Variants in SEC62 observed in about 807,000 individuals in gnomAD.
The protein encoded by SEC62 is SEC62 preprotein translocation factor.
SEC62 carries 10 observed loss-of-function variants against 47.5 expected under a neutral mutation model. The ratio of observed to expected loss-of-function variants is 0.21; its 90% confidence interval spans 0.13 to 0.36. SEC62 has a LOEUF of 0.36. Among genes scored for constraint, SEC62 ranks in the 10% least tolerant of loss-of-function variants. The probability of loss-of-function intolerance (pLI) is 1.00; values close to 1 mark genes in which losing one functional copy is unlikely to be tolerated. For synonymous variants in SEC62, 136 were observed against 150.5 expected (o/e 0.90, Z 0.71); for missense variants, 327 against 464.1 (o/e 0.70, Z 2.71).
intron 2 of SEC62, among the ~76,000 whole-genome samples, chr3:169,976,325 A>C (rs889604257): frequency 1.3e-5 from 2 of 152,070 alleles, no homozygotes; most frequent in African/African-American, 4.8e-5. Flanking sequence ...CTATGATCCC[A>C]CCACTGTACT....
Position 169,988,169 on chromosome 3 carries a change from G to A in SEC62, c.611-71G>A, listed in dbSNP as rs1715152902. 3.2e-6 allele frequency: 5 copies of A among 1,546,912 alleles called. No homozygotes were observed. The South Asian group carries it at 3.4e-5, about 10-fold the overall frequency. ...TTCTCAGTTTTTCCCCCAGGGATAT[G>A]TTTCTGTTAGTGCAGCCATACCATT... On this transcript the variant is annotated intron_variant, in intron 6 of 7. Coordinates refer to ENST00000337002, the MANE Select transcript of SEC62 (RefSeq NM_003262.4).
At chr3:169,982,635 A>G in intron 3 of SEC62, 72 bp from the exon 4 acceptor site, 1 of 1,541,382 alleles carries the variant, frequency 6.5e-7, no homozygotes. Context: ...TATTTTATTC[A>G]GGTCTTGATA....
Position 169,992,867 on chromosome 3 carries a change from C to A in SEC62, c.1004C>A (p.Ser335Ter). 6.2e-7 allele frequency: 1 copy of A among 1,613,684 alleles called. No individual in the cohort carries two copies. Among genetic ancestry groups the A allele is most frequent in the Non-Finnish European group, 8.5e-7 (1 of 1,179,966 alleles). Reference protein sequence around the residue: ...VGPGNHGTEGSGGERHSDTDS... With the variant: ...VGPGNHGTEG Reference sequence around the variant, plus strand: ...CCAGGAAATCATGGAACAGAAGGCTCGGGGGGAGAACGGCATTCAGACACG... The same window carrying A: ...CCAGGAAATCATGGAACAGAAGGCTAGGGGGGAGAACGGCATTCAGACACG... The change falls in exon 8 of 8, where the codon TCG (serine) becomes TAG (stop). Residue 335 changes from serine (S) to a stop codon, truncating the protein, a stop_gained. Transcript: ENST00000337002. LOFTEE classifies it high-confidence loss of function. The surrounding 1 kb of genome is among the most constrained non-coding windows in gnomAD (Gnocchi z 4.0).
rs1715435966 is a variant in SEC62 at position 169,998,336 on chromosome 3, T to C, written c.*5273T>C. 6.6e-6 allele frequency: 1 copy of C among 152,198 alleles called. No homozygotes were observed. The highest frequency in any genetic ancestry group is 1.5e-5 in the Non-Finnish European group (1 of 68,034). 9.4% of individuals were successfully genotyped at this position (152,198 alleles called of 1,614,324 possible). ...TGATGTTTTGTTTTGATAGATTATA[T>C]CTTACTCCTAAATAAAAAGTCAAGA... On this transcript the variant is annotated 3_prime_UTR_variant, in exon 8 of 8. Transcript: ENST00000337002.
intron 1 of SEC62, among the ~76,000 whole-genome samples, chr3:169,970,803 T>G (rs1236539493): frequency 6.6e-6 from 1 of 152,210 alleles, no homozygotes; most frequent in Non-Finnish European, 1.5e-5. Flanking sequence ...ATAGGTTGGT[T>G]TCTCTTTATT....
Position 169,993,180 on chromosome 3 carries a change from G to A in SEC62, c.*117G>A, listed in dbSNP as rs1715288851. The A allele has an allele frequency of 6.6e-6, 5 of 754,878 alleles. No homozygotes were observed. The highest frequency in any genetic ancestry group is 3.5e-5 in the African/African-American group (2 of 56,420). The allele number at this position is 754,878 out of a possible 1,614,324, so 46.8% of individuals were successfully genotyped here. ...ATTCTTTAAATCTATCTACTGAAAT[G>A]TATTTGACATTCAAGCAGTTATATT... On this transcript the variant is annotated 3_prime_UTR_variant, in exon 8 of 8. Transcript: ENST00000337002.
chr3:169,980,335 G>A (rs1213171205), intron 3 of SEC62, among the ~76,000 whole-genome samples: 1 of 149,994 alleles, frequency 6.7e-6, no homozygotes, highest in Admixed American at 6.7e-5. Context: ...AGGAAAGTAT[G>A]AGTAGTTGTG....
chr3:169,990,119 G>T (rs1715210522), intron 7 of SEC62, among the ~76,000 whole-genome samples: 1 of 149,162 alleles, frequency 6.7e-6, no homozygotes, highest in African/African-American at 2.5e-5. Context: ...TTCATTTTTT[G>T]GAGACAGGGT....
chr3:169,982,368 C>T (rs1714994461), intron 3 of SEC62, among the ~76,000 whole-genome samples: 1 of 152,100 alleles, frequency 6.6e-6, no homozygotes, highest in South Asian at 2.1e-4. Context: ...GCATTTGAGA[C>T]TTAACATAAA....
intron 3 of SEC62, among the ~76,000 whole-genome samples, chr3:169,978,162 C>G (rs1330159227): frequency 7.2e-5 from 11 of 152,046 alleles, no homozygotes; most frequent in African/African-American, 2.7e-4. Context: ...ACCTATAGTC[C>G]CAGCTACTCG....
At chr3:169,976,877 TA>T in intron 2 of SEC62, 68 bp from the exon 3 acceptor site, 1 of 1,057,902 alleles carries the variant, frequency 9.5e-7, no homozygotes, top group Non-Finnish European at 1.3e-6. Flanking sequence ...TTTTACTTTA[TA>T]AAATATTATT....
At chr3:169,982,974 C>A in intron 4 of SEC62, 63 bp downstream of exon 4, 1 of 1,536,062 alleles carries the variant, frequency 6.5e-7, no homozygotes, top group Non-Finnish European at 8.7e-7. Context: ...ACACTACTGG[C>A]CTATGAGCAC....
intron 1 of SEC62, among the ~76,000 whole-genome samples, chr3:169,973,176 T>A (rs534600191): frequency 1.3e-5 from 2 of 152,244 alleles, no homozygotes; most frequent in Non-Finnish European, 2.9e-5. Context: ...AATTAAATAC[T>A]ATCATTTAAT....
At chr3:169,990,613 T>G (rs1202989754) in intron 7 of SEC62, among the ~76,000 whole-genome samples, 1 of 152,200 alleles carries the variant, frequency 6.6e-6, no homozygotes, top group African/African-American at 2.4e-5. Context: ...ATCATCTGTC[T>G]TACAATCCTG....
chr3:169,977,137 TG>T, intron 3 of SEC62, 86 bp downstream of exon 3: 3 of 805,772 alleles, frequency 3.7e-6, no homozygotes, highest in Non-Finnish European at 3.9e-6. Context: ...TTAAATGTAG[TG>T]ATACTACAAC....
rs1468288525 is a variant in SEC62 at position 169,994,089 on chromosome 3, G to A, written c.*1026G>A. 6.6e-6 allele frequency: 1 copy of A among 152,508 alleles called. No homozygotes were observed. The highest frequency in any genetic ancestry group is 1.5e-5 in the Non-Finnish European group (1 of 68,014). The allele number at this position is 152,508 out of a possible 1,614,324, so 9.4% of individuals were successfully genotyped here. A position where few individuals can be genotyped will look rare whatever the true frequency, so the allele number is the denominator to read the frequency against. On this transcript the variant is annotated 3_prime_UTR_variant, in exon 8 of 8. Transcript: ENST00000337002. Reference sequence around the variant, plus strand: ...TCTTTACATTCAGAAATGAGATACTGTATTATCAGACCAGGAGGCATTGCT... The same window carrying A: ...TCTTTACATTCAGAAATGAGATACTATATTATCAGACCAGGAGGCATTGCT...
intron 3 of SEC62, among the ~76,000 whole-genome samples, chr3:169,980,909 T>C (rs886638877): frequency 2.0e-5 from 3 of 152,188 alleles, no homozygotes; most frequent in Non-Finnish European, 2.9e-5. Flanking sequence ...TTATTTTCAT[T>C]TGGAGTGGAA....
In SEC62 at chr3:169,985,837, T is replaced by C; in HGVS notation, c.582T>C (p.Phe194=). Residue 194 remains phenylalanine (F), a synonymous_variant, in exon 6 of 8, where the codon TTT becomes TTC. Coordinates refer to ENST00000337002, the MANE Select transcript of SEC62 (RefSeq NM_003262.4). Reference sequence around the variant, plus strand: ...TATGGATCTATGACCCAGTTCACTTTAAAACATTTGTCATGGGATTAATTC... The same window carrying C: ...TATGGATCTATGACCCAGTTCACTTCAAAACATTTGTCATGGGATTAATTC... ...VYVWIYDPVH[F]KTFVMGLILV... 1.2e-6 allele frequency: 2 copies of C among 1,612,586 alleles called. No individual in the cohort carries two copies. Among genetic ancestry groups the C allele is most frequent in the Non-Finnish European group, 1.7e-6 (2 of 1,179,230 alleles).
At chr3:169,973,890 A>G (rs1714766445) in intron 1 of SEC62, among the ~76,000 whole-genome samples, 1 of 152,158 alleles carries the variant, frequency 6.6e-6, no homozygotes. Context: ...GGACTTGCGA[A>G]ATACAAAGGA....
Sources: gnomAD v4.1 joint callset for allele counts (sites outside exome capture counted in the v4.1 genomes callset) on GRCh38, gnomAD v4.1.1 for gene constraint, Gnocchi (gnomAD v3.1) non-coding constraint, MANE v1.5 for transcripts, NCBI Gene and HGNC (gene_info 2026-07-23, HGNC 2026-07-21) for gene names.